The following INSL6 variants were observed in gnomAD, a reference collection of about 807,000 sequenced individuals.
INSL6 encodes insulin like 6, also known as insulin-like peptide INSL6.
In INSL6, 16 loss-of-function variants were observed where a neutral mutation model predicts 9.4. That is an observed-to-expected ratio of 1.70 (90% CI 1.15 to 2.59). INSL6 has a LOEUF of 2.59. Ranked by LOEUF, INSL6 falls within the 30% of genes most tolerant of loss-of-function variation. INSL6 has a pLI of 0.00. For missense variants in INSL6, 391 were observed against 257.3 expected (o/e 1.52, Z -3.56); for synonymous variants, 154 against 96.9 (o/e 1.59, Z -3.46).
intron 3 of INSL6, among the ~76,000 whole-genome samples, chr9:5,131,607 T>G (rs1476331720): frequency 3.9e-4 from 60 of 152,046 alleles, no homozygotes; most frequent in Non-Finnish European, 1.5e-5. Context: ...CCGGCTAATT[T>G]TTTGTATTTA....
chr9:4,996,556 G>A, the INSL6 span, among the ~76,000 whole-genome samples: 1 of 151,724 alleles, frequency 6.6e-6, no homozygotes, highest in Admixed American at 6.6e-5. Context: ...ATGAGGTATT[G>A]TAGATTTTTT....
chr9:5,130,886 A>AAG (rs1564033012), intron 3 of INSL6, among the ~76,000 whole-genome samples: 4 of 148,452 alleles, frequency 2.7e-5, no homozygotes, highest in African/African-American at 1.0e-4. Context: ...CTGCCACTAC[A>AAG]CCCGGCTAAT....
chr9:5,033,176 T>G, the INSL6 span, among the ~76,000 whole-genome samples: 1 of 151,854 alleles, frequency 6.6e-6, no homozygotes, highest in African/African-American at 2.4e-5. Flanking sequence ...TGAAATGAAG[T>G]GAGAAGAGAA....
At chr9:5,014,242 G>A in the INSL6 span, among the ~76,000 whole-genome samples, 1 of 144,572 alleles carries the variant, frequency 6.9e-6, no homozygotes, top group Non-Finnish European at 1.5e-5. Flanking sequence ...GAGCTAAAGT[G>A]ATCCTCTCAC....
the INSL6 span, among the ~76,000 whole-genome samples, chr9:5,032,754 A>T: frequency 6.6e-6 from 1 of 152,232 alleles, no homozygotes; most frequent in African/African-American, 2.4e-5. Flanking sequence ...GTATGTCACC[A>T]TCATCAAAGA....
chr9:4,996,581 G>T, the INSL6 span, among the ~76,000 whole-genome samples: 1,971 of 151,528 alleles, frequency 0.013, 50 homozygotes, highest in African/African-American at 0.046. Flanking sequence ...TTTTTGAGGA[G>T]GGGCGGGGGT....
At chr9:5,130,449 C>T (rs1296749683) in intron 3 of INSL6, among the ~76,000 whole-genome samples, 3 of 152,128 alleles carry the variant, frequency 2.0e-5, no homozygotes, top group Non-Finnish European at 4.4e-5. Flanking sequence ...ACAGAGACAA[C>T]AGGCAGCTAA....
intron 2 of INSL6, among the ~76,000 whole-genome samples, chr9:5,148,971 C>G (rs563363203): frequency 2.6e-5 from 4 of 152,186 alleles, no homozygotes; most frequent in Non-Finnish European, 5.9e-5. Flanking sequence ...CTGTTCTCTC[C>G]CCAGCAGTTA....
the INSL6 span, among the ~76,000 whole-genome samples, chr9:5,084,215 G>A: frequency 0.19 from 29,156 of 152,026 alleles, 3,059 homozygotes; most frequent in Middle Eastern, 0.26. Flanking sequence ...AAGGTAAATG[G>A]TGTAATCATT....
At chr9:5,114,200 G>C in the INSL6 span, 1 of 481,020 alleles carries the variant, frequency 2.1e-6, no homozygotes, top group Non-Finnish European at 4.1e-6. Flanking sequence ...GCACCTACCT[G>C]AGCCGGTCCA....
chr9:5,005,969 C>T, the INSL6 span, among the ~76,000 whole-genome samples: 6 of 152,234 alleles, frequency 3.9e-5, no homozygotes, highest in East Asian at 3.9e-4. Context: ...ATTGACCTGG[C>T]GATGCAGGCT....
chr9:5,096,989 CT>C, the INSL6 span: 3 of 152,148 alleles, frequency 2.0e-5, no homozygotes, highest in African/African-American at 7.2e-5. Context: ...CTCCCCCACT[CT>C]TTCCTACTCC....
At chr9:5,084,544 A>G in the INSL6 span, among the ~76,000 whole-genome samples, 1 of 152,062 alleles carries the variant, frequency 6.6e-6, no homozygotes, top group South Asian at 2.1e-4. Flanking sequence ...ATATTTTTTT[A>G]TTTTTTAAAA....
At chr9:5,131,435 A>ATTTTTTTTT (rs550915336) in intron 3 of INSL6, among the ~76,000 whole-genome samples, 5,266 of 115,216 alleles carry the variant, frequency 0.046, 419 homozygotes, top group African/African-American at 0.081. Context: ...CCAGTTAACA[A>ATTTTTTTTT]TTTTTTTTTT....
At chr9:5,024,981 A>G in the INSL6 span, among the ~76,000 whole-genome samples, 1 of 152,190 alleles carries the variant, frequency 6.6e-6, no homozygotes, top group African/African-American at 2.4e-5. Flanking sequence ...TGGGCAGGAC[A>G]TGGGCGTAGT....
the INSL6 span, among the ~76,000 whole-genome samples, chr9:5,076,938 A>AT: frequency 7.9e-4 from 111 of 140,636 alleles, no homozygotes; most frequent in Non-Finnish European, 1.4e-3. Flanking sequence ...TGTTTTATAT[A>AT]TTTTTTTAAA....
chr9:5,127,288 T>C (rs1332506020), intron 3 of INSL6: 1 of 232,316 alleles, frequency 4.3e-6, no homozygotes, highest in African/African-American at 2.2e-5. Context: ...TACTTCACTA[T>C]ACAAACAAAT....
the INSL6 span, chr9:5,085,266 A>G: frequency 1.5e-6 from 1 of 688,776 alleles, no homozygotes; most frequent in Non-Finnish European, 2.8e-6. Flanking sequence ...GATTCACATC[A>G]GCTGATGTTG....
chr9:5,128,156 A>C (rs1006403575), intron 3 of INSL6: 2 of 231,318 alleles, frequency 8.6e-6, no homozygotes, highest in Admixed American at 1.1e-4. Context: ...TGCTGTTTTG[A>C]TTAAAAAGAA....
Sources: gnomAD v4.1 joint callset for allele counts (sites outside exome capture counted in the v4.1 genomes callset) on GRCh38, gnomAD v4.1.1 for gene constraint, MANE v1.5 for transcripts, NCBI Gene and HGNC (gene_info 2026-07-23, HGNC 2026-07-21) for gene names.